RIMS2: variants seen among roughly 807,000 people sequenced by gnomAD.
RIMS2 encodes the protein regulating synaptic membrane exocytosis protein 2.
RIMS2 carries 59 observed loss-of-function variants against 174.4 expected under a neutral mutation model. That is an observed-to-expected ratio of 0.34 (90% CI 0.27 to 0.42). The LOEUF (loss-of-function observed/expected upper bound fraction) is 0.42. Among genes scored for constraint, RIMS2 ranks in the 10% least tolerant of loss-of-function variants. The pLI, the probability that RIMS2 is intolerant of heterozygous loss-of-function variation, is 1.00. For missense variants in RIMS2, 1,620 were observed against 1,666.3 expected, an observed-to-expected ratio of 0.97 and a Z score of 0.48; for synonymous variants, 606 against 572.5, an observed-to-expected ratio of 1.06 and a Z score of -0.84.
chr8:104,048,166 G>A (rs1032874870), intron 19 of RIMS2, among the ~76,000 whole-genome samples: 4 of 151,974 alleles, frequency 2.6e-5, no homozygotes, highest in African/African-American at 9.7e-5. Context: ...CACACAAGTT[G>A]GGAAGATATT....
At chr8:103,746,974 G>A (rs1374414652) in intron 2 of RIMS2, among the ~76,000 whole-genome samples, 1 of 151,890 alleles carries the variant, frequency 6.6e-6, no homozygotes, top group Admixed American at 6.6e-5. Context: ...CCACTTTTTA[G>A]TGAGAACATG....
At chr8:104,047,309 G>C (rs1377937474) in intron 19 of RIMS2, among the ~76,000 whole-genome samples, 1 of 151,964 alleles carries the variant, frequency 6.6e-6, no homozygotes. Context: ...ATAACATTCT[G>C]TTTTACCTAT....
chr8:103,759,821 G>A lies in RIMS2; in HGVS notation c.388-6406G>A, dbSNP rs2098088757. ...GCTGGTGGGAACCGAAGTGAGATCA[G>A]GTTTATTGAGAAGTGCAAGTCTGTC... On this transcript the variant is annotated intron_variant, in intron 2 of 23. Transcript: ENST00000504942. Among the ~76,000 whole-genome samples, 3 of 152,266 alleles carry A rather than the reference G, an allele frequency of 2.0e-5. No homozygotes were observed. The South Asian group carries it at 6.2e-4, about 32-fold the overall frequency.
intron 19 of RIMS2, among the ~76,000 whole-genome samples, chr8:104,088,893 T>C (rs1402966824): frequency 6.6e-6 from 1 of 152,068 alleles, no homozygotes; most frequent in African/African-American, 2.4e-5. Flanking sequence ...GATACACTGT[T>C]ACTTTCCACT....
intron 19 of RIMS2, among the ~76,000 whole-genome samples, chr8:104,069,858 G>T (rs1443271527): frequency 6.6e-6 from 1 of 152,024 alleles, no homozygotes. Flanking sequence ...AAAATACTTT[G>T]TTCTGATATA....
chr8:103,687,703 C>T (rs530933781), intron 1 of RIMS2, among the ~76,000 whole-genome samples: 1 of 152,164 alleles, frequency 6.6e-6, no homozygotes, highest in Admixed American at 6.5e-5. Context: ...ATAATTCTAC[C>T]CTCTACCTCT....
intron 19 of RIMS2, among the ~76,000 whole-genome samples, chr8:104,088,297 C>T (rs770852046): frequency 6.6e-6 from 1 of 151,880 alleles, no homozygotes; most frequent in South Asian, 2.1e-4. Context: ...AACAGGATGA[C>T]GAAAATGCAC....
intron 16 of RIMS2, among the ~76,000 whole-genome samples, chr8:103,987,844 A>G (rs1199854849): frequency 6.6e-6 from 1 of 152,228 alleles, no homozygotes; most frequent in African/African-American, 2.4e-5. Context: ...ACTGTTCTCA[A>G]AAGTAACCCA....
chr8:104,145,991 G>A (rs1046729919), intron 19 of RIMS2, among the ~76,000 whole-genome samples: 1 of 151,902 alleles, frequency 6.6e-6, no homozygotes, highest in Non-Finnish European at 1.5e-5. Flanking sequence ...CCACTCTAGT[G>A]CTACTATTCA....
chr8:103,816,893 T>C (rs900852130), intron 3 of RIMS2, among the ~76,000 whole-genome samples: 2 of 152,212 alleles, frequency 1.3e-5, no homozygotes, highest in African/African-American at 2.4e-5. Context: ...AATTTTGAAA[T>C]ATAAAAGAAA....
intron 15 of RIMS2, among the ~76,000 whole-genome samples, chr8:103,967,170 G>GTTGTTTTTTTTTT (rs2092060723): frequency 4.0e-5 from 1 of 24,952 alleles, no homozygotes; most frequent in Non-Finnish European, 6.6e-5. Context: ...ATCTGTTCTT[G>GTTGTTTTTTTTTT]TTTTTTTTTT....
chr8:104,019,249 T>A (rs1565879820), intron 19 of RIMS2, among the ~76,000 whole-genome samples: 1 of 152,184 alleles, frequency 6.6e-6, no homozygotes, highest in Non-Finnish European at 1.5e-5. Flanking sequence ...TTTATATACT[T>A]CTTTTATCAA....
intron 1 of RIMS2, among the ~76,000 whole-genome samples, chr8:103,515,578 G>T (rs1190348753): frequency 1.3e-5 from 2 of 152,210 alleles, no homozygotes; most frequent in Non-Finnish European, 1.5e-5. Flanking sequence ...CAGTAATTGG[G>T]ATTGAAGCAG....
chr8:103,505,944 T>C (rs1823347228), intron 1 of RIMS2, among the ~76,000 whole-genome samples: 1 of 152,176 alleles, frequency 6.6e-6, no homozygotes, highest in African/African-American at 2.4e-5. Flanking sequence ...TAGGACCTTG[T>C]TTATGCCTTT....
intron 4 of RIMS2, among the ~76,000 whole-genome samples, chr8:103,902,967 A>G (rs1304067562): frequency 6.6e-6 from 1 of 152,170 alleles, no homozygotes; most frequent in Non-Finnish European, 1.5e-5. Context: ...GAAATGCCAC[A>G]TGTATAACTT....
intron 1 of RIMS2, among the ~76,000 whole-genome samples, chr8:103,541,579 G>A (rs1272642027): frequency 9.2e-5 from 14 of 152,034 alleles, no homozygotes. Flanking sequence ...AAATGAGAAG[G>A]GTGCTAACTA....
intron 19 of RIMS2, among the ~76,000 whole-genome samples, chr8:104,178,298 T>C (rs2098917659): frequency 6.6e-6 from 1 of 152,158 alleles, no homozygotes; most frequent in South Asian, 2.1e-4. Flanking sequence ...CGCATCTCCT[T>C]GCTGCCTGTA....
At chr8:104,194,065 T>C (rs2099011477) in intron 19 of RIMS2, among the ~76,000 whole-genome samples, 1 of 152,174 alleles carries the variant, frequency 6.6e-6, no homozygotes, top group Non-Finnish European at 1.5e-5. Flanking sequence ...AATGGTCTTT[T>C]TCACAATGGC....
At chr8:103,716,966 G>A (rs2097375147) in intron 2 of RIMS2, among the ~76,000 whole-genome samples, 1 of 151,898 alleles carries the variant, frequency 6.6e-6, no homozygotes, top group African/African-American at 2.4e-5. Flanking sequence ...ATTTGAATTT[G>A]GATCTGCCAT....
Sources: gnomAD v4.1 joint callset for allele counts (sites outside exome capture counted in the v4.1 genomes callset) on GRCh38, gnomAD v4.1.1 for gene constraint, MANE v1.5 for transcripts, NCBI Gene and HGNC (gene_info 2026-07-23, HGNC 2026-07-21) for gene names.